The following CTNND1 variants were observed in gnomAD, a reference collection of about 807,000 sequenced individuals.
CTNND1 encodes catenin delta-1.
CTNND1 carries 16 observed loss-of-function variants against 112.1 expected under a neutral mutation model. That is an observed-to-expected ratio of 0.14 (90% CI 0.10 to 0.22). The LOEUF (loss-of-function observed/expected upper bound fraction) is 0.22. Among genes scored for constraint, CTNND1 ranks in the 10% least tolerant of loss-of-function variants. The probability of loss-of-function intolerance (pLI) is 1.00; values close to 1 mark genes in which losing one functional copy is unlikely to be tolerated. For synonymous variants in CTNND1, 420 were observed against 446.5 expected, an observed-to-expected ratio of 0.94 and a Z score of 0.75; for missense variants, 1,008 against 1,257.0, an observed-to-expected ratio of 0.80 and a Z score of 3.00.
intron 7 of CTNND1, among the ~76,000 whole-genome samples, chr11:57,803,413 G>A (rs2062259031): frequency 6.6e-6 from 1 of 151,886 alleles, no homozygotes; most frequent in Admixed American, 6.6e-5. Flanking sequence ...GTTAAACATT[G>A]TTTGTTTCAT....
Position 57,796,745 on chromosome 11 carries a change from A to T in CTNND1, c.709A>T (p.Ile237Phe), listed in dbSNP as rs777117045. ...TGGCAGTCTGTCCCGGGTGACCCGCATTGAGGAGCGGTATAGGCCCAGCAT... is the reference window on the plus strand; with the variant it reads ...TGGCAGTCTGTCCCGGGTGACCCGCTTTGAGGAGCGGTATAGGCCCAGCAT... ...NYGSLSRVTR[I>F]EERYRPSMEG... The change falls in exon 6 of 21, where the codon ATT becomes TTT. Residue 237 changes from isoleucine to phenylalanine, a missense_variant. This residue lies in a region of CTNND1 where 404 missense variants were observed against 457.9 expected (regional missense o/e 0.88). Transcript: ENST00000399050. 1 of 1,613,764 alleles carries T rather than the reference A, an allele frequency of 6.2e-7. No individual in the cohort carries two copies. Among genetic ancestry groups the T allele is most frequent in the Non-Finnish European group, 8.5e-7 (1 of 1,179,750 alleles).
chr11:57,796,686 A>C lies in CTNND1; in HGVS notation c.650A>C (p.Tyr217Ser), dbSNP rs11570194. The C allele has an allele frequency of 6.2e-7, 1 of 1,613,996 alleles. No homozygotes were observed. Among genetic ancestry groups the C allele is most frequent in the East Asian group, 2.2e-5 (1 of 44,880 alleles). ...CCTCCTGATGGTTATAGTCGCCACT[A>C]TGAAGATGGTTATCCAGGTGGCAGT... ...HYPPDGYSRH[Y>S]EDGYPGGSDN... is the part of the protein sequence containing the mutation. Residue 217 changes from tyrosine to serine, a missense_variant, in exon 6 of 21, where the codon TAT becomes TCT. By Grantham distance (144) the Tyr-to-Ser change is moderately radical. Transcript: ENST00000399050.
At chr11:57,798,295 C>T (rs1271130646) in intron 6 of CTNND1, among the ~76,000 whole-genome samples, 2 of 148,172 alleles carry the variant, frequency 1.3e-5, no homozygotes, top group African/African-American at 2.5e-5. Flanking sequence ...TGTAGTGAGC[C>T]GAGATCCCGC....
intron 1 of CTNND1, among the ~76,000 whole-genome samples, chr11:57,774,669 C>T (rs781134516): frequency 4.0e-5 from 6 of 151,712 alleles, no homozygotes; most frequent in Non-Finnish European, 7.4e-5. Context: ...TGGTTCACAA[C>T]AGGCCATAAG....
At chr11:57,765,092 T>A (rs1950739666) in intron 1 of CTNND1, among the ~76,000 whole-genome samples, 1 of 152,250 alleles carries the variant, frequency 6.6e-6, no homozygotes, top group South Asian at 2.1e-4. Flanking sequence ...TGTTTATCAG[T>A]AAAATTTCTT....
chr11:57,809,857 G>A (rs542721714), intron 15 of CTNND1, among the ~76,000 whole-genome samples: 18 of 151,926 alleles, frequency 1.2e-4, no homozygotes, highest in Admixed American at 9.8e-4. Flanking sequence ...CTACAGGTGC[G>A]TGCCACCATG....
chr11:57,810,056 C>T, intron 15 of CTNND1, 53 bp from the exon 16 acceptor site: 1 of 1,428,548 alleles, frequency 7.0e-7, no homozygotes, highest in Non-Finnish European at 9.7e-7. Flanking sequence ...AGGGTCTAAG[C>T]TTTTTTCCTG....
chr11:57,816,382 C>G lies in CTNND1; in HGVS notation c.*74C>G. On this transcript the variant is annotated 3_prime_UTR_variant, in exon 21 of 21. Coordinates refer to ENST00000399050, the MANE Select transcript of CTNND1 (RefSeq NM_001085458.2). ...GTGGTGAAATTGACTGATGATTTTC[C>G]TTTTTCTTCGCTGGACTATTGTGCC... The G allele has an allele frequency of 6.3e-7, 1 of 1,592,302 alleles. No homozygotes were observed. The highest frequency in any genetic ancestry group is 8.6e-7 in the Non-Finnish European group (1 of 1,162,198).
At chr11:57,791,721 A>C in intron 3 of CTNND1, 48 bp downstream of exon 3, 2 of 1,476,900 alleles carry the variant, frequency 1.4e-6, no homozygotes, top group Non-Finnish European at 1.8e-6. Context: ...TGGCATGGTC[A>C]CAGAGAGGCT....
At chr11:57,805,814 A>G (rs1204750342) in intron 9 of CTNND1, 68 bp from the exon 10 acceptor site, 1 of 1,539,254 alleles carries the variant, frequency 6.5e-7, no homozygotes, top group Non-Finnish European at 8.8e-7. Flanking sequence ...TGAGTCATGG[A>G]AACCTGTACT....
chr11:57,816,007 TCCTTCAG>T lies in CTNND1; in HGVS notation c.2895+7_2895+13del. ...AAGTGTCTTACCCCTCCATGGTATG[TCCTTCAG>T]TCACCCCCAAGATTGTTCTTGAGGA... On this transcript the variant is annotated splice_region_variant and intron_variant, in intron 20 of 20. Coordinates refer to ENST00000399050, the MANE Select transcript of CTNND1 (RefSeq NM_001085458.2). The T allele has an allele frequency of 6.4e-7, 1 of 1,570,200 alleles. No homozygotes were observed. The highest frequency in any genetic ancestry group is 2.3e-5 in the East Asian group (1 of 44,400).
chr11:57,802,035 C>G lies in CTNND1; in HGVS notation c.1259C>G (p.Pro420Arg). The change falls in exon 7 of 21, where the codon CCC (proline) becomes CGC (arginine). Residue 420 changes from proline to arginine, a missense_variant. Around this residue, in one of 5 missense-constraint regions of CTNND1, gnomAD observed 216 missense variants for 342.8 expected, o/e 0.63. Transcript: ENST00000399050. The part of the protein sequence containing the change: ...IPVLVGLLDH[P>R]KKEVHLGACG... ...GTACTGGTGGGATTGTTAGACCATC[C>G]CAAAAAGGAAGTGCACCTTGGAGCC... 1 of 1,613,942 alleles carries G rather than the reference C, an allele frequency of 6.2e-7. No homozygotes were observed. Among genetic ancestry groups the G allele is most frequent in the African/African-American group, 1.3e-5 (1 of 75,020 alleles).
At position 57,795,716 on chromosome 11, in the gene CTNND1, G is replaced by C; in HGVS notation, c.407G>C (p.Arg136Pro). Residue 136 changes from arginine to proline, a missense_variant, in exon 5 of 21, where the codon CGC becomes CCC. Arg to Pro is a moderately radical substitution (Grantham distance 103). Transcript: ENST00000399050. ...VETSDDGTTR[R>P]TETTVKKVVK... ...ACCTCAGATGATGGGACCACTCGGC[G>C]CACAGAGACCACGGTAAACTAAGAC... 6.3e-7 allele frequency: 1 copy of C among 1,597,146 alleles called. No homozygotes were observed. Among genetic ancestry groups the C allele is most frequent in the Non-Finnish European group, 8.5e-7 (1 of 1,174,514 alleles).
At chr11:57,795,499 A>G in intron 4 of CTNND1, 78 bp from the exon 5 acceptor site, 1 of 1,482,074 alleles carries the variant, frequency 6.7e-7, no homozygotes, top group South Asian at 1.3e-5. Flanking sequence ...CAGGTTTACC[A>G]CTTATGCTTC....
chr11:57,787,958 GC>G (rs1484193173), intron 1 of CTNND1, among the ~76,000 whole-genome samples: 1 of 152,214 alleles, frequency 6.6e-6, no homozygotes, highest in Non-Finnish European at 1.5e-5. Flanking sequence ...GCCATTTATG[GC>G]CATCTATACA....
chr11:57,790,732 A>AT (rs5792064), intron 2 of CTNND1, among the ~76,000 whole-genome samples: 42,750 of 150,446 alleles, frequency 0.28, 7,059 homozygotes, highest in East Asian at 0.79. Flanking sequence ...CTTTTTTTGT[A>AT]TTTTTTTAGT....
Position 57,796,974 on chromosome 11 carries a change from A to C in CTNND1, c.938A>C (p.Asp313Ala). The C allele has an allele frequency of 3.4e-6, 5 of 1,479,456 alleles. No individual in the cohort carries two copies. The highest frequency in any genetic ancestry group is 4.5e-6 in the Non-Finnish European group (5 of 1,105,936). The allele number at this position is 1,479,456 out of a possible 1,614,324, so 91.6% of individuals were successfully genotyped here. A position where few individuals can be genotyped will look rare whatever the true frequency, so the allele number is the denominator to read the frequency against. ...GCCCGTCGGACTGGGACACCCTCTGACCCTCGTCGGCGCCTCAGGTAGGCA... is the reference window on the plus strand; with the variant it reads ...GCCCGTCGGACTGGGACACCCTCTGCCCCTCGTCGGCGCCTCAGGTAGGCA... Reference protein sequence around the residue: ...GTARRTGTPSDPRRRLRSYED... With the variant: ...GTARRTGTPSAPRRRLRSYED... Residue 313 changes from aspartate to alanine, a missense_variant, in exon 6 of 21, where the codon GAC becomes GCC. Coordinates refer to ENST00000399050, the MANE Select transcript of CTNND1 (RefSeq NM_001085458.2).
At chr11:57,815,539 G>T in intron 19 of CTNND1, 39 bp downstream of exon 19, 2 of 1,477,322 alleles carry the variant, frequency 1.4e-6, no homozygotes, top group Non-Finnish European at 1.9e-6. Context: ...TCTAAGGCTA[G>T]TTCTATTTTG....
intron 15 of CTNND1, 81 bp from the exon 16 acceptor site, chr11:57,810,028 T>C: frequency 2.0e-6 from 2 of 1,011,590 alleles, no homozygotes; most frequent in Non-Finnish European, 2.8e-6. Flanking sequence ...TTTATATTCT[T>C]ATGTTATTAG....
Sources: allele counts gnomAD v4.1 joint callset (sites outside exome capture counted in the v4.1 genomes callset), GRCh38; gene constraint gnomAD v4.1.1; regional missense constraint gnomAD v4.1.1; transcripts MANE v1.5; gene names NCBI Gene and HGNC (gene_info 2026-07-23, HGNC 2026-07-21).